Variants in NRG3 observed in about 807,000 individuals in gnomAD.
NRG3 encodes neuregulin 3, also known as pro-neuregulin-3, membrane-bound isoform.
Under a neutral mutation model 66.9 loss-of-function variants are expected in NRG3, and 31 were observed. That is an observed-to-expected ratio of 0.46 (90% CI 0.35 to 0.63). NRG3 has a LOEUF of 0.63. Ranked by LOEUF, NRG3 falls within the 20% of genes least tolerant of loss-of-function variation. The pLI, the probability that NRG3 is intolerant of heterozygous loss-of-function variation, is 0.00. For missense variants in NRG3, 910 were observed against 878.9 expected, an observed-to-expected ratio of 1.04 and a Z score of -0.45; for synonymous variants, 393 against 359.4, an observed-to-expected ratio of 1.09 and a Z score of -1.06.
intron 2 of NRG3, among the ~76,000 whole-genome samples, chr10:82,548,527 A>T (rs1162186446): frequency 0.01 from 901 of 88,390 alleles, 11 homozygotes; most frequent in African/African-American, 0.051. Flanking sequence ...TGTCTCTCAC[A>T]CACACACACA....
intron 2 of NRG3, among the ~76,000 whole-genome samples, chr10:82,529,243 G>A (rs1847024091): frequency 1.3e-5 from 2 of 152,188 alleles, no homozygotes; most frequent in African/African-American, 4.8e-5. Flanking sequence ...AGGTGTCTGT[G>A]GTAGAGGCAT....
chr10:82,392,839 T>A (rs2086469908), intron 2 of NRG3, among the ~76,000 whole-genome samples: 1 of 151,960 alleles, frequency 6.6e-6, no homozygotes. Flanking sequence ...ATCTGCAGGC[T>A]GCAGTGTTTG....
intron 3 of NRG3, among the ~76,000 whole-genome samples, chr10:82,831,443 G>A (rs952456252): frequency 7.0e-6 from 1 of 142,248 alleles, no homozygotes; most frequent in Non-Finnish European, 1.5e-5. Context: ...AATGTATATA[G>A]TATCTTATGG....
At chr10:82,218,551 G>T (rs1416282312) in intron 1 of NRG3, among the ~76,000 whole-genome samples, 1 of 152,090 alleles carries the variant, frequency 6.6e-6, no homozygotes, top group East Asian at 1.9e-4. Context: ...TTTGAACTCA[G>T]AACTCTCCTT....
At chr10:82,319,824 C>T (rs866667451) in intron 1 of NRG3, among the ~76,000 whole-genome samples, 3 of 152,114 alleles carry the variant, frequency 2.0e-5, no homozygotes, top group Middle Eastern at 3.2e-3. Flanking sequence ...TCTGTCAATC[C>T]GGTTGGGGAC....
chr10:81,966,255 T>A (rs1273717140), intron 1 of NRG3, among the ~76,000 whole-genome samples: 1 of 151,140 alleles, frequency 6.6e-6, no homozygotes, highest in Non-Finnish European at 1.5e-5. Flanking sequence ...TATGTTCTTT[T>A]AATATGCTAC....
intron 1 of NRG3, among the ~76,000 whole-genome samples, chr10:81,903,600 C>A (rs901719295): frequency 6.6e-6 from 1 of 152,076 alleles, no homozygotes; most frequent in African/African-American, 2.4e-5. Flanking sequence ...GCCGAGAACT[C>A]GTATATCATA....
chr10:82,023,337 G>T (rs140832720), intron 1 of NRG3, among the ~76,000 whole-genome samples: 16 of 151,962 alleles, frequency 1.1e-4, no homozygotes, highest in African/African-American at 3.6e-4. Flanking sequence ...CACAATTTGG[G>T]TGTCCTTTAT....
chr10:82,273,889 G>A lies in NRG3; in HGVS notation c.824-84850G>A, dbSNP rs531699672. 7.9e-5 allele frequency among the ~76,000 whole-genome samples: 12 copies of A among 152,042 alleles called. No individual in the cohort carries two copies. The South Asian group carries it at 8.3e-4, about 11-fold the overall frequency. ...GCCCCAGAAAGAACAAAGCTTGTAG[G>A]CGATGACTGTGAGCCAGACGAATCT... On this transcript the variant is annotated intron_variant, in intron 1 of 8. Transcript: ENST00000372141.
intron 2 of NRG3, among the ~76,000 whole-genome samples, chr10:82,688,780 A>G (rs1438051598): frequency 6.6e-6 from 1 of 151,744 alleles, no homozygotes; most frequent in Non-Finnish European, 1.5e-5. Context: ...AAAAAAAAAA[A>G]AGAAAAGAAA....
intron 2 of NRG3, among the ~76,000 whole-genome samples, chr10:82,585,486 G>T (rs1329684391): frequency 6.6e-6 from 1 of 152,110 alleles, no homozygotes; most frequent in Non-Finnish European, 1.5e-5. Context: ...TGAGAGTTTT[G>T]TTAACTACAG....
At chr10:82,150,897 A>G (rs183393338) in intron 1 of NRG3, among the ~76,000 whole-genome samples, 1 of 152,354 alleles carries the variant, frequency 6.6e-6, no homozygotes, top group African/African-American at 2.4e-5. Flanking sequence ...TAAAAGAAAA[A>G]TACAAAACTA....
chr10:82,208,911 G>A (rs2133598808), intron 1 of NRG3, among the ~76,000 whole-genome samples: 1 of 152,190 alleles, frequency 6.6e-6, no homozygotes, highest in Admixed American at 6.6e-5. Flanking sequence ...AGAAAGTCAG[G>A]AACATATGGT....
chr10:82,621,270 G>A (rs975372569), intron 2 of NRG3, among the ~76,000 whole-genome samples: 28 of 152,192 alleles, frequency 1.8e-4, no homozygotes, highest in African/African-American at 6.3e-4. Flanking sequence ...CAAGGATGGT[G>A]GAGAGAAATT....
chr10:81,938,345 C>A (rs1848080898), intron 1 of NRG3, among the ~76,000 whole-genome samples: 1 of 150,236 alleles, frequency 6.7e-6, no homozygotes, highest in South Asian at 2.1e-4. Flanking sequence ...TTAAGTCTTA[C>A]AATCCATGGC....
At chr10:82,450,888 T>C (rs1473059222) in intron 2 of NRG3, among the ~76,000 whole-genome samples, 1 of 152,242 alleles carries the variant, frequency 6.6e-6, no homozygotes, top group Non-Finnish European at 1.5e-5. Context: ...CATTCTCTAT[T>C]AGTGAGTGTT....
chr10:82,528,391 G>T (rs1242805160), intron 2 of NRG3, among the ~76,000 whole-genome samples: 1 of 152,128 alleles, frequency 6.6e-6, no homozygotes, highest in East Asian at 1.9e-4. Context: ...AAAGTGATTT[G>T]CAAATACATT....
rs772158823 is a variant in NRG3, at chr10:82,974,342, G to A, written c.1412+427G>A. Among the ~76,000 whole-genome samples the A allele has an allele frequency of 1.8e-4, 27 of 152,298 alleles. No individual in the cohort carries two copies. In the South Asian group the frequency reaches 2.9e-3, roughly 16 times the overall value. ...ATTTTCCACGGGGAAGAAGCCTGGTGAATCTTCTTCTTGGGTCTATAAAAT... is the reference window on the plus strand; with the variant it reads ...ATTTTCCACGGGGAAGAAGCCTGGTAAATCTTCTTCTTGGGTCTATAAAAT... On this transcript the variant is annotated intron_variant, in intron 7 of 8. Coordinates refer to ENST00000372141, the MANE Select transcript of NRG3 (RefSeq NM_001010848.4).
At chr10:82,563,051 A>T (rs1360228526) in intron 2 of NRG3, among the ~76,000 whole-genome samples, 2 of 152,140 alleles carry the variant, frequency 1.3e-5, no homozygotes, top group Non-Finnish European at 2.9e-5. Context: ...TGGGGAGGTG[A>T]GTGTATACCC....
Sources: allele counts gnomAD v4.1 joint callset (sites outside exome capture counted in the v4.1 genomes callset), GRCh38; gene constraint gnomAD v4.1.1; transcripts MANE v1.5; gene names NCBI Gene and HGNC (gene_info 2026-07-23, HGNC 2026-07-21).